TRIM10: variants seen among roughly 807,000 people sequenced by gnomAD.
TRIM10 encodes tripartite motif-containing protein 10.
TRIM10 carries 42 observed loss-of-function variants against 40.0 expected under a neutral mutation model. The observed-to-expected ratio is 1.05, with a 90% confidence interval of 0.82 to 1.36. The LOEUF (loss-of-function observed/expected upper bound fraction) is 1.36, where lower values mean the gene tolerates loss of function less well. TRIM10 is among the 40% of genes most tolerant of loss of function. TRIM10 has a pLI of 0.00. For synonymous variants in TRIM10, 260 were observed against 239.5 expected (o/e 1.09, Z -0.79); for missense variants, 601 against 608.3 (o/e 0.99, Z 0.13).
At chr6:30,162,275 CAA>C (rs112405006), upstream of TRIM10, among the ~76,000 whole-genome samples, 87 of 65,230 alleles carry the variant, frequency 1.3e-3, no homozygotes, top group African/African-American at 3.5e-3. Flanking sequence ...GACTCCATTT[CAA>C]AAAAAAAAAA....
At chr6:30,163,596 C>T (rs1258155769), upstream of TRIM10, 8 of 1,421,810 alleles carry the variant, frequency 5.6e-6, no homozygotes, top group African/African-American at 1.5e-5. Context: ...TTTCCCTCTG[C>T]GATTCATGTA....
rs998963075 is a variant in TRIM10, at chr6:30,159,251, G to A, written c.430-6C>T. The A allele has an allele frequency of 6.4e-7, 1 of 1,566,362 alleles. No individual in the cohort carries two copies. Among genetic ancestry groups the A allele is most frequent in the Non-Finnish European group, 8.8e-7 (1 of 1,137,774 alleles). On this transcript the variant is annotated splice_region_variant and splice_polypyrimidine_tract_variant and intron_variant, in intron 1 of 6. Coordinates refer to ENST00000449742, the MANE Select transcript of TRIM10 (RefSeq NM_006778.4). ...AGACACTTATGGATTTGTTCCTGGG[G>A]AGAAGGAACATAAAATACTCAAGAT...
In TRIM10 at chr6:30,157,147, C is replaced by A; in HGVS notation, c.780-93G>T. 2.3e-6 allele frequency: 3 copies of A among 1,312,024 alleles called. No individual in the cohort carries two copies. In the South Asian group the frequency reaches 3.9e-5, roughly 17 times the overall value. 81.3% of individuals were successfully genotyped at this position (1,312,024 alleles called of 1,614,324 possible). A position where few individuals can be genotyped will look rare whatever the true frequency, so the allele number is the denominator to read the frequency against. ...CATCTTCTAATAGGGCATGATGGCG[C>A]TAGTTCCTGCAGGCAGACGTACTTC... On this transcript the variant is annotated intron_variant, in intron 4 of 6. Transcript: ENST00000449742.
intron 2 of TRIM10, among the ~76,000 whole-genome samples, chr6:30,158,910 TA>T (rs1322299798): frequency 2.0e-5 from 3 of 152,232 alleles, no homozygotes; most frequent in Non-Finnish European, 2.9e-5. Flanking sequence ...TGAGCTACTT[TA>T]CAGTCACAAT....
rs138645358 is a variant in TRIM10, at chr6:30,154,258, T to C, written c.1157A>G (p.Glu386Gly). ...AAGCTCCCCCTTCCGCTGCACATCC[T>C]CGCTCACCACGCCCACGGTGCAGCT... ...GGSCTVGVVS[E>G]DVQRKGELRL... The change falls in exon 7 of 7, where the codon GAG becomes GGG. Residue 386 changes from glutamate (E) to glycine (G), a missense_variant. Coordinates refer to ENST00000449742, the MANE Select transcript of TRIM10 (RefSeq NM_006778.4). The C allele has an allele frequency of 9.4e-5, 152 of 1,612,994 alleles. No homozygotes were observed. The African/African-American group carries it at 1.8e-3, about 20-fold the overall frequency.
chr6:30,156,956 T>A lies in TRIM10; in HGVS notation c.878A>T (p.Glu293Val), dbSNP rs770823081. Residue 293 changes from glutamate to valine, a missense_variant, in exon 5 of 7, where the codon GAG (glutamate) becomes GTG (valine). Physicochemically the swap from Glu to Val is moderately radical, Grantham distance 121. Coordinates refer to ENST00000449742, the MANE Select transcript of TRIM10 (RefSeq NM_006778.4). ...FPQQALPLQREMKMFLEKLCF... is the reference protein window; with the variant it reads ...FPQQALPLQRVMKMFLEKLCF... ...TCTCTTACCCAGAAACATCTTCATC[T>A]CCCTCTGCAGCGGGAGGGCCTGCTG... 1.2e-5 allele frequency: 19 copies of A among 1,613,012 alleles called. No individual in the cohort carries two copies. Among genetic ancestry groups the A allele is most frequent in the Middle Eastern group, 1.7e-4 (1 of 6,060 alleles).
At position 30,151,986 on chromosome 6, in the gene TRIM10, T is replaced by C. The variant is rs1772050049; in HGVS notation, c.*1983A>G. 6.6e-6 allele frequency: 1 copy of C among 152,092 alleles called. No homozygotes were observed. Among genetic ancestry groups the C allele is most frequent in the Admixed American group, 6.5e-5 (1 of 15,270 alleles). 9.4% of individuals were successfully genotyped at this position (152,092 alleles called of 1,614,324 possible). A position where few individuals can be genotyped will look rare whatever the true frequency, so the allele number is the denominator to read the frequency against. On this transcript the variant is annotated 3_prime_UTR_variant, in exon 7 of 7. Transcript: ENST00000449742. ...GTTTTATTTCTCAGTGTAAGACATA[T>C]AAATTGTTCTCACTGACATATAACT... is the stretch of plus-strand genomic sequence containing the variant.
chr6:30,154,341 A>G lies in TRIM10; in HGVS notation c.1074T>C (p.Thr358=), dbSNP rs757276554. 2 of 1,613,022 alleles carry G rather than the reference A, an allele frequency of 1.2e-6. No homozygotes were observed. The highest frequency in any genetic ancestry group is 1.1e-5 in the South Asian group (1 of 91,080). ...ACGTGTGTCTCCCCCCTGTGATGCC[A>G]GTGTGGGCCAGAACACAGGTGGCCC... ...FDRATCVLAH[T]GITGGRHTWV... Residue 358 remains threonine, a synonymous_variant, in exon 7 of 7, where the codon ACT becomes ACC. Coordinates refer to ENST00000449742, the MANE Select transcript of TRIM10 (RefSeq NM_006778.4).
chr6:30,157,244 A>G, intron 4 of TRIM10, 125 bp downstream of exon 4: 2 of 1,159,042 alleles, frequency 1.7e-6, no homozygotes, highest in Non-Finnish European at 2.5e-6. Context: ...GGGTATATAG[A>G]GGTTTATATG....
In TRIM10 at chr6:30,154,390, G is replaced by C; in HGVS notation, c.1025C>G (p.Pro342Arg). 6.2e-7 allele frequency: 1 copy of C among 1,613,004 alleles called. No homozygotes were observed. The stretch of plus-strand genomic sequence containing the variant: ...CCGGTCAAAACGTTGGGGGTTGTCT[G>C]GTGAGTTCTGCCATTTGTAGGAGAA... The part of the protein sequence containing the change: ...AQFSYKWQNS[P>R]DNPQRFDRAT... The change falls in exon 7 of 7, where the codon CCA (proline) becomes CGA (arginine). Residue 342 changes from proline (P) to arginine (R), a missense_variant. By Grantham distance (103) the Pro-to-Arg change is moderately radical. Coordinates refer to ENST00000449742, the MANE Select transcript of TRIM10 (RefSeq NM_006778.4).
intron 1 of TRIM10, 63 bp from the exon 2 acceptor site, chr6:30,159,308 T>G: frequency 8.7e-7 from 1 of 1,155,896 alleles, no homozygotes; most frequent in Non-Finnish European, 1.3e-6. Flanking sequence ...TGTCTGGTCA[T>G]CTGACCCTCT....
At position 30,160,799 on chromosome 6, in the gene TRIM10, C is replaced by G. The variant is rs761146881; in HGVS notation, c.60G>C (p.Gln20His). 6.2e-7 allele frequency: 1 copy of G among 1,613,996 alleles called. No individual in the cohort carries two copies. Among genetic ancestry groups the G allele is most frequent in the Non-Finnish European group, 8.5e-7 (1 of 1,180,024 alleles). ...TAGTGACCGGCTCCCTCAGGGTACC[C>G]TGACAGATGGGGCAGTTGACTTCAT... ...LADEVNCPIC[Q>H]GTLREPVTID... The change falls in exon 1 of 7, where the codon CAG becomes CAC. Residue 20 changes from glutamine to histidine, a missense_variant. Physicochemically the swap from Gln to His is conservative, Grantham distance 24. Coordinates refer to ENST00000449742, the MANE Select transcript of TRIM10 (RefSeq NM_006778.4).
At chr6:30,161,360 G>A (rs41272583), upstream of TRIM10, among the ~76,000 whole-genome samples, 5,250 of 152,242 alleles carry the variant, frequency 0.034, 184 homozygotes, top group South Asian at 0.16. Context: ...GAGTGTGGGG[G>A]CTCAGATAAG....
In TRIM10 at chr6:30,159,194, G is replaced by C. The variant is rs140717384; in HGVS notation, c.481C>G (p.Gln161Glu). Residue 161 changes from glutamine to glutamate, a missense_variant, in exon 2 of 7, where the codon CAA becomes GAA. Coordinates refer to ENST00000449742, the MANE Select transcript of TRIM10 (RefSeq NM_006778.4). ...TTATTTTCTCTTGACTGGATTTCTT[G>C]AATCTCCTCTCTCTCTTTTCTTAGA... ...KCLRKEREEI[Q>E]EIQSRENKRM... 7.0e-4 allele frequency: 1,126 copies of C among 1,612,192 alleles called. 8 individuals are homozygous for C. In the African/African-American group the frequency reaches 0.014, roughly 20 times the overall value.
Position 30,160,731 on chromosome 6 carries a change from T to C in TRIM10, c.128A>G (p.Tyr43Cys). 1 of 1,614,166 alleles carries C rather than the reference T, an allele frequency of 6.2e-7. No individual in the cohort carries two copies. Among genetic ancestry groups the C allele is most frequent in the Non-Finnish European group, 8.5e-7 (1 of 1,180,018 alleles). Residue 43 changes from tyrosine to cysteine, a missense_variant, in exon 1 of 7, where the codon TAC (tyrosine) becomes TGC (cysteine). Tyr to Cys is a radical substitution (Grantham distance 194). Transcript: ENST00000449742. The stretch of plus-strand genomic sequence containing the variant: ...CAGGTCTGGGCCTGGTATCTCACAG[T>C]AGCGGGTAAGGCAGGCCCGGCAGAA... ...HNFCRACLTR[Y>C]CEIPGPDLEE...
chr6:30,160,667 G>T lies in TRIM10; in HGVS notation c.192C>A (p.Phe64Leu). Residue 64 changes from phenylalanine to leucine, a missense_variant, in exon 1 of 7, where the codon TTC becomes TTA. Physicochemically the swap from Phe to Leu is conservative, Grantham distance 22. Transcript: ENST00000449742. ...SPTCPLCKEPFRPGSFRPNWQ... is the reference protein window; with the variant it reads ...SPTCPLCKEPLRPGSFRPNWQ... ...AGTTGGGCCGGAAGCTCCCAGGACGGAAGGGTTCTTTGCAGAGTGGGCAAG... is the reference window on the plus strand; with the variant it reads ...AGTTGGGCCGGAAGCTCCCAGGACGTAAGGGTTCTTTGCAGAGTGGGCAAG... 1.2e-6 allele frequency: 2 copies of T among 1,614,278 alleles called. No homozygotes were observed. Among genetic ancestry groups the T allele is most frequent in the Non-Finnish European group, 1.7e-6 (2 of 1,180,050 alleles).
intron 2 of TRIM10, 84 bp downstream of exon 2, chr6:30,159,066 C>T: frequency 1.1e-6 from 1 of 880,884 alleles, no homozygotes; most frequent in East Asian, 2.4e-5. Context: ...AACTTCAAAG[C>T]CCTATAATCT....
rs1390968536 is a variant in TRIM10 at position 30,153,115 on chromosome 6, AG to A, written c.*853del. On this transcript the variant is annotated 3_prime_UTR_variant, in exon 7 of 7. Transcript: ENST00000449742. ...CTCACCCAGAAGTGGCAACACCAGG[AG>A]GAAGGAGGCAGTGAGTGGCGTCGGC... The A allele has an allele frequency of 3.2e-5, 5 of 154,124 alleles. No individual in the cohort carries two copies. Among genetic ancestry groups the A allele is most frequent in the African/African-American group, 1.2e-4 (5 of 41,460 alleles). 9.5% of individuals were successfully genotyped at this position (154,124 alleles called of 1,614,324 possible).
chr6:30,154,331 C>A lies in TRIM10; in HGVS notation c.1084G>T (p.Gly362Trp). Residue 362 changes from glycine (G) to tryptophan (W), a missense_variant, in exon 7 of 7, where the codon GGG becomes TGG. Gly to Trp is a radical substitution (Grantham distance 184). Coordinates refer to ENST00000449742, the MANE Select transcript of TRIM10 (RefSeq NM_006778.4). ...TCVLAHTGIT[G>W]GRHTWVVSID... The stretch of plus-strand genomic sequence containing the variant: ...CTCACCACCCACGTGTGTCTCCCCC[C>A]TGTGATGCCAGTGTGGGCCAGAACA... The A allele has an allele frequency of 6.2e-7, 1 of 1,613,116 alleles. No individual in the cohort carries two copies. Among genetic ancestry groups the A allele is most frequent in the Non-Finnish European group, 8.5e-7 (1 of 1,180,036 alleles).
Sources: gnomAD v4.1 joint callset for allele counts (sites outside exome capture counted in the v4.1 genomes callset) on GRCh38, gnomAD v4.1.1 for gene constraint, MANE v1.5 for transcripts, NCBI Gene and HGNC (gene_info 2026-07-23, HGNC 2026-07-21) for gene names.